LRGUK: variants seen among roughly 807,000 people sequenced by gnomAD.
LRGUK encodes leucine rich repeats and guanylate kinase domain containing, also known as leucine-rich repeat and guanylate kinase domain-containing protein.
Under a neutral mutation model 76.0 loss-of-function variants are expected in LRGUK, and 65 were observed. The ratio of observed to expected loss-of-function variants is 0.85; its 90% CI spans 0.70 to 1.05. LRGUK has a LOEUF of 1.05. Ranked by LOEUF, LRGUK falls within the 50% of genes least tolerant of loss-of-function variation. The probability of loss-of-function intolerance (pLI) is 0.00; values close to 1 mark genes in which losing one functional copy is unlikely to be tolerated. For missense variants in LRGUK, 758 were observed against 732.8 expected (o/e 1.03, Z -0.40); for synonymous variants, 268 against 265.6 (o/e 1.01, Z -0.09).
At chr7:134,148,099 C>A in intron 4 of LRGUK, 139 bp from the exon 5 acceptor site, 1 of 507,458 alleles carries the variant, frequency 2.0e-6, no homozygotes, top group Non-Finnish European at 3.4e-6. Flanking sequence ...ACAGATGATT[C>A]TTTTAGCCTT....
intron 15 of LRGUK, among the ~76,000 whole-genome samples, chr7:134,206,408 G>A (rs1262893447): frequency 2.6e-5 from 4 of 151,994 alleles, no homozygotes; most frequent in African/African-American, 7.2e-5. Flanking sequence ...CCGGCTACTC[G>A]GGAGGCTGAG....
chr7:134,187,549 C>T (rs935227848), intron 11 of LRGUK, among the ~76,000 whole-genome samples: 9 of 152,208 alleles, frequency 5.9e-5, no homozygotes, highest in Admixed American at 2.6e-4. Context: ...AATATTGGTG[C>T]GGCTGAGAGA....
At chr7:134,169,881 G>A (rs559244892) in intron 7 of LRGUK, among the ~76,000 whole-genome samples, 34 of 151,954 alleles carry the variant, frequency 2.2e-4, no homozygotes, top group African/African-American at 8.0e-4. Flanking sequence ...ATAGATTCTT[G>A]GAAATACCAT....
chr7:134,165,376 G>A (rs1017124660), intron 7 of LRGUK, among the ~76,000 whole-genome samples: 2 of 152,066 alleles, frequency 1.3e-5, no homozygotes, highest in Non-Finnish European at 2.9e-5. Context: ...GTTTGCCTCC[G>A]GTTTCAATGT....
At chr7:134,253,580 C>A (rs1802498332) in intron 18 of LRGUK, among the ~76,000 whole-genome samples, 1 of 152,046 alleles carries the variant, frequency 6.6e-6, no homozygotes. Flanking sequence ...TTTGGGAGGC[C>A]CAGGAGGGTA....
chr7:134,151,479 C>T (rs1798222001), intron 5 of LRGUK, among the ~76,000 whole-genome samples: 1 of 151,902 alleles, frequency 6.6e-6, no homozygotes, highest in Middle Eastern at 3.2e-3. Flanking sequence ...ACAGACCTTC[C>T]AATAGTGAAC....
At chr7:134,206,588 G>GTA (rs1255994092) in intron 15 of LRGUK, among the ~76,000 whole-genome samples, 140 of 150,626 alleles carry the variant, frequency 9.3e-4, no homozygotes, top group African/African-American at 2.7e-3. Flanking sequence ...GTGTGTGTGT[G>GTA]TATATATATA....
At chr7:134,163,468 C>T in exon 7 of LRGUK, 2 of 1,613,864 alleles carry the variant, frequency 1.2e-6, no homozygotes, top group Non-Finnish European at 1.7e-6. Context: ...ATCTGTCCCA[C>T]AATCAGATAA....
chr7:134,185,430 G>A (rs375047520), intron 11 of LRGUK, among the ~76,000 whole-genome samples: 4 of 151,380 alleles, frequency 2.6e-5, no homozygotes, highest in Non-Finnish European at 4.4e-5. Context: ...GTGTGTTGGC[G>A]CACACCTGTA....
At chr7:134,172,427 A>G (rs1049059988) in intron 7 of LRGUK, among the ~76,000 whole-genome samples, 10 of 152,170 alleles carry the variant, frequency 6.6e-5, no homozygotes, top group Non-Finnish European at 1.3e-4. Flanking sequence ...ATGCTTAGAG[A>G]CTATGGCCTT....
intron 16 of LRGUK, among the ~76,000 whole-genome samples, chr7:134,223,432 G>T (rs564638850): frequency 2.6e-5 from 4 of 152,220 alleles, no homozygotes; most frequent in Non-Finnish European, 5.9e-5. Context: ...GAGGCAGCAG[G>T]GGGTAGGTGG....
intron 6 of LRGUK, among the ~76,000 whole-genome samples, chr7:134,160,298 GA>G (rs1314835064): frequency 6.6e-6 from 1 of 152,076 alleles, no homozygotes; most frequent in African/African-American, 2.4e-5. Context: ...GTAGCTTTTA[GA>G]AAAAGGATAG....
intron 7 of LRGUK, among the ~76,000 whole-genome samples, chr7:134,169,606 T>C (rs1799161775): frequency 6.6e-6 from 1 of 152,140 alleles, no homozygotes; most frequent in Non-Finnish European, 1.5e-5. Flanking sequence ...TTCTTATAAT[T>C]TCAAGTTTTG....
chr7:134,263,626 T>TC (rs1563204473), intron 19 of LRGUK, among the ~76,000 whole-genome samples: 5 of 145,848 alleles, frequency 3.4e-5, no homozygotes, highest in African/African-American at 1.0e-4. Flanking sequence ...TTTCTTTCTT[T>TC]TTTTTTTTTT....
At chr7:134,151,841 C>G (rs965068615) in intron 5 of LRGUK, among the ~76,000 whole-genome samples, 1 of 152,078 alleles carries the variant, frequency 6.6e-6, no homozygotes, top group African/African-American at 2.4e-5. Flanking sequence ...AAATCCAGCT[C>G]TCATTCACAA....
At chr7:134,272,931 C>T in the LRGUK span, among the ~76,000 whole-genome samples, 1 of 152,146 alleles carries the variant, frequency 6.6e-6, no homozygotes, top group Non-Finnish European at 1.5e-5. Context: ...TTGCATTTTA[C>T]TTCGGATTTT....
chr7:134,157,221 A>G (rs1320017732), intron 5 of LRGUK, among the ~76,000 whole-genome samples: 1 of 152,236 alleles, frequency 6.6e-6, no homozygotes, highest in Non-Finnish European at 1.5e-5. Flanking sequence ...ATGGAGGTCA[A>G]TGTAGACGGA....
chr7:134,168,298 G>A (rs951739162), intron 7 of LRGUK, among the ~76,000 whole-genome samples: 4 of 152,134 alleles, frequency 2.6e-5, no homozygotes, highest in Non-Finnish European at 5.9e-5. Context: ...CTAGGAGTTT[G>A]AGGCTGCAGT....
At position 134,134,777 on chromosome 7, in the gene LRGUK, C is replaced by T. The variant is rs143993714; in HGVS notation, c.298-2246C>T. On this transcript the variant is annotated intron_variant, in intron 1 of 15. Coordinates refer to ENST00000645682, the Ensembl canonical transcript of LRGUK. ...TATTTAGAAAAGTAAATGTGTTTTG[C>T]CTATTTTGTGAACAGCCTGATTGGC... 7.9e-5 allele frequency among the ~76,000 whole-genome samples: 12 copies of T among 152,256 alleles called. No individual in the cohort carries two copies. The East Asian group carries it at 2.3e-3, about 29-fold the overall frequency.
Sources: allele counts gnomAD v4.1 joint callset (sites outside exome capture counted in the v4.1 genomes callset), GRCh38; gene constraint gnomAD v4.1.1; transcripts MANE v1.5; gene names NCBI Gene and HGNC (gene_info 2026-07-23, HGNC 2026-07-21).